The following PIEZO2 variants were observed in gnomAD, a reference collection of about 807,000 sequenced individuals.
PIEZO2 encodes piezo type mechanosensitive ion channel component 2.
A neutral mutation model predicts 337.3 loss-of-function variants in PIEZO2; 172 were observed. The observed-to-expected ratio is 0.51, with a 90% CI of 0.45 to 0.58. PIEZO2 has a LOEUF of 0.58. Among genes scored for constraint, PIEZO2 ranks in the 20% least tolerant of loss-of-function variants. The pLI is 0.00. For missense variants in PIEZO2, 3,028 were observed against 3,391.3 expected (o/e 0.89, Z 2.66); for synonymous variants, 1,251 against 1,228.5 (o/e 1.02, Z -0.38).
At chr18:10,971,876 T>G (rs1259442761) in intron 3 of PIEZO2, among the ~76,000 whole-genome samples, 9 of 152,184 alleles carry the variant, frequency 5.9e-5, no homozygotes, top group African/African-American at 2.2e-4. Context: ...TAAATTTAAT[T>G]CTGGCTCTGT....
chr18:11,112,008 C>G lies in PIEZO2; in HGVS notation c.64+36517G>C, dbSNP rs1458748274. 2.0e-5 allele frequency among the ~76,000 whole-genome samples: 3 copies of G among 152,040 alleles called. No homozygotes were observed. The highest frequency in any genetic ancestry group is 7.2e-5 in the African/African-American group (3 of 41,414). ...TTAAGAGGGAAAATGGTAGGGGAGC[C>G]GTGAATGAAGTTTCATAGTCCTTTA... On this transcript the variant is annotated intron_variant, in intron 1 of 55. Transcript: ENST00000674853. This position sits in a 1 kb window ranked among gnomAD's most constrained non-coding sequence, Gnocchi z 4.3.
intron 52 of PIEZO2, 60 bp downstream of exon 52, chr18:10,680,139 C>T (rs2034197865): frequency 6.9e-7 from 1 of 1,441,212 alleles, no homozygotes; most frequent in South Asian, 1.3e-5. Context: ...CCCTCCCTCC[C>T]CCAACTCCAT....
In PIEZO2 at chr18:10,705,519, T is replaced by C; in HGVS notation, c.5816A>G (p.Glu1939Gly). The C allele has an allele frequency of 6.5e-7, 1 of 1,537,210 alleles. No individual in the cohort carries two copies. The highest frequency in any genetic ancestry group is 8.7e-7 in the Non-Finnish European group (1 of 1,146,888). Residue 1939 changes from glutamate to glycine, a missense_variant, in exon 41 of 56, where the codon GAG becomes GGG. Transcript: ENST00000674853. Reference sequence around the variant, plus strand: ...AGCCTTGCTGTAGGAGGGTGGGGCCTCCACATCCCCGTCCAAGGTGGAGAA... The same window carrying C: ...AGCCTTGCTGTAGGAGGGTGGGGCCCCCACATCCCCGTCCAAGGTGGAGAA... Reference protein sequence around the residue: ...TQFSTLDGDVEAPPSYSKAVS... With the variant: ...TQFSTLDGDVGAPPSYSKAVS...
intron 7 of PIEZO2, among the ~76,000 whole-genome samples, chr18:10,838,430 G>A (rs2144589017): frequency 6.6e-6 from 1 of 152,222 alleles, no homozygotes; most frequent in South Asian, 2.1e-4. Flanking sequence ...AGTCCCCTGG[G>A]CTCTGCATCA....
chr18:11,023,992 C>T (rs1568305556), intron 2 of PIEZO2, among the ~76,000 whole-genome samples: 2 of 152,176 alleles, frequency 1.3e-5, no homozygotes, highest in Non-Finnish European at 1.5e-5. Flanking sequence ...GGCCCGCAAG[C>T]CCCACGCGCA....
chr18:10,721,279 A>T (rs4796904), intron 36 of PIEZO2, among the ~76,000 whole-genome samples: 28,913 of 152,226 alleles, frequency 0.19, 3,067 homozygotes, highest in South Asian at 0.29. Context: ...TAGTTACTAC[A>T]GTATACATAA....
rs2041366227 is a variant in PIEZO2, at chr18:10,846,444, T to C, written c.917+8909A>G. 6.6e-6 allele frequency among the ~76,000 whole-genome samples: 1 copy of C among 152,196 alleles called. No homozygotes were observed. Among genetic ancestry groups the C allele is most frequent in the South Asian group, 2.1e-4 (1 of 4,828 alleles). On this transcript the variant is annotated intron_variant, in intron 7 of 55. Coordinates refer to ENST00000674853, the MANE Select transcript of PIEZO2 (RefSeq NM_001378183.1). This position sits in a 1 kb window ranked among gnomAD's most constrained non-coding sequence, Gnocchi z 4.1. Reference sequence around the variant, plus strand: ...CTTAGAGTTCAAGAAAATCAAGTTTTACATTATTCTGATATATAAGGAGAT... The same window carrying C: ...CTTAGAGTTCAAGAAAATCAAGTTTCACATTATTCTGATATATAAGGAGAT...
intron 3 of PIEZO2, among the ~76,000 whole-genome samples, chr18:10,974,703 C>T (rs1177100494): frequency 6.6e-6 from 1 of 152,146 alleles, no homozygotes; most frequent in Non-Finnish European, 1.5e-5. Flanking sequence ...CTCTAGAGCC[C>T]GTTTCTTCAT....
chr18:10,970,372 C>T (rs568950163), intron 3 of PIEZO2, among the ~76,000 whole-genome samples: 8 of 152,210 alleles, frequency 5.3e-5, no homozygotes, highest in Non-Finnish European at 2.9e-5. Flanking sequence ...TGCAGCTCTT[C>T]GCCCGTCTAG....
At chr18:10,789,405 T>A (rs1209190531) in intron 14 of PIEZO2, 40 bp from the exon 15 acceptor site, 1 of 1,512,398 alleles carries the variant, frequency 6.6e-7, no homozygotes, top group Non-Finnish European at 8.8e-7. Context: ...TAGCTGGTTA[T>A]CTGTGCAGAC....
chr18:10,751,748 G>A (rs546512003), intron 28 of PIEZO2, among the ~76,000 whole-genome samples: 1 of 152,296 alleles, frequency 6.6e-6, no homozygotes, highest in South Asian at 2.1e-4. Context: ...TGAGACGCAG[G>A]CACAGGGATA....
Position 10,871,367 on chromosome 18 carries a change from G to A in PIEZO2, c.378C>T (p.Asp126=), listed in dbSNP as rs2042135634. 2.6e-6 allele frequency: 4 copies of A among 1,537,382 alleles called. No individual in the cohort carries two copies. The highest frequency in any genetic ancestry group is 1.7e-4 in the Middle Eastern group (1 of 5,988). ...AGNGIRVFVP[D]IGMFIASLTI... ...TCAGACTAGCAATGAACATCCCGATGTCAGGTACAAACACTCTGATCCCAT... is the reference window on the plus strand; with the variant it reads ...TCAGACTAGCAATGAACATCCCGATATCAGGTACAAACACTCTGATCCCAT... Residue 126 remains aspartate (D), a synonymous_variant, in exon 5 of 56, where the codon GAC becomes GAT. Coordinates refer to ENST00000674853, the MANE Select transcript of PIEZO2 (RefSeq NM_001378183.1).
intron 7 of PIEZO2, among the ~76,000 whole-genome samples, chr18:10,820,554 T>C (rs1045024419): frequency 5.9e-5 from 9 of 152,210 alleles, no homozygotes; most frequent in African/African-American, 1.9e-4. Context: ...ATTCCATTCC[T>C]GTTTTCATTA....
intron 3 of PIEZO2, among the ~76,000 whole-genome samples, chr18:10,958,122 A>G (rs2145359108): frequency 6.6e-6 from 1 of 152,340 alleles, no homozygotes; most frequent in Admixed American, 6.5e-5. Flanking sequence ...CAAAACCTGA[A>G]AAGTGTTCAT....
intron 7 of PIEZO2, among the ~76,000 whole-genome samples, chr18:10,848,564 A>T (rs911389343): frequency 1.5e-4 from 23 of 152,236 alleles, no homozygotes; most frequent in African/African-American, 5.3e-4. Context: ...GAATGGGCTG[A>T]GAATCTTTCC....
In PIEZO2 at chr18:10,735,345, A is replaced by C. The variant is rs2036953450; in HGVS notation, c.4816-15T>G. On this transcript the variant is annotated splice_polypyrimidine_tract_variant and intron_variant, in intron 34 of 55. Transcript: ENST00000674853. ...CCAATAGCTCTCTACAAAGAAGGAC[A>C]AAGCAAGAGTAATTAGTAGAAAAAA... Among the ~76,000 whole-genome samples the C allele has an allele frequency of 6.6e-6, 1 of 152,246 alleles. No individual in the cohort carries two copies. The highest frequency in any genetic ancestry group is 2.4e-5 in the African/African-American group (1 of 41,472).
chr18:10,840,301 T>G (rs1168224028), intron 7 of PIEZO2, among the ~76,000 whole-genome samples: 1 of 152,206 alleles, frequency 6.6e-6, no homozygotes, highest in Non-Finnish European at 1.5e-5. Context: ...AATACATAAT[T>G]TACTTTCATC....
At chr18:10,955,630 G>T (rs2033484607) in intron 3 of PIEZO2, among the ~76,000 whole-genome samples, 2 of 152,278 alleles carry the variant, frequency 1.3e-5, no homozygotes, top group African/African-American at 4.8e-5. Context: ...AAGAACATCT[G>T]CTAACACAGG....
Position 10,853,744 on chromosome 18 carries a change from G to A in PIEZO2, c.917+1609C>T, listed in dbSNP as rs2041621881. ...ATGTATGTATCTATCAATCTATTATGTTGGTTGTTAAGCCATTTTTAAGTT... is the reference window on the plus strand; with the variant it reads ...ATGTATGTATCTATCAATCTATTATATTGGTTGTTAAGCCATTTTTAAGTT... On this transcript the variant is annotated intron_variant, in intron 7 of 55. Coordinates refer to ENST00000674853, the MANE Select transcript of PIEZO2 (RefSeq NM_001378183.1). The surrounding 1 kb of genome is among the most constrained non-coding windows in gnomAD (Gnocchi z 4.2). Among the ~76,000 whole-genome samples the A allele has an allele frequency of 6.6e-6, 1 of 152,120 alleles. No homozygotes were observed. The highest frequency in any genetic ancestry group is 2.4e-5 in the African/African-American group (1 of 41,414).
Sources: gnomAD v4.1 joint callset for allele counts (sites outside exome capture counted in the v4.1 genomes callset) on GRCh38, gnomAD v4.1.1 for gene constraint, Gnocchi (gnomAD v3.1) non-coding constraint, MANE v1.5 for transcripts, NCBI Gene and HGNC (gene_info 2026-07-23, HGNC 2026-07-21) for gene names.